Variants in FAM135B observed in about 807,000 individuals in gnomAD.
FAM135B encodes the protein family with sequence similarity 135 member B.
In FAM135B, 43 loss-of-function variants were observed where a neutral mutation model predicts 127.7. The observed-to-expected ratio is 0.34, with a 90% confidence interval of 0.26 to 0.43. FAM135B has a LOEUF of 0.43. Among genes scored for constraint, FAM135B ranks in the 20% least tolerant of loss-of-function variants. The pLI is 1.00. For missense variants in FAM135B, 1,558 were observed against 1,725.6 expected, an observed-to-expected ratio of 0.90 and a Z score of 1.72; for synonymous variants, 670 against 665.1, an observed-to-expected ratio of 1.01 and a Z score of -0.11.
intron 1 of FAM135B, among the ~76,000 whole-genome samples, chr8:138,377,720 A>G (rs1267159844): frequency 6.6e-6 from 1 of 152,214 alleles, no homozygotes; most frequent in East Asian, 1.9e-4. Context: ...CAAGTTCTTG[A>G]GATAGCCATA....
At chr8:138,256,501 T>C in intron 5 of FAM135B, among the ~76,000 whole-genome samples, 188 bp downstream of exon 5, 1 of 152,192 alleles carries the variant, frequency 6.6e-6, no homozygotes, top group East Asian at 1.9e-4. Flanking sequence ...GACTAAAACG[T>C]ATGTGGTTTG....
At position 138,370,442 on chromosome 8, in the gene FAM135B, G is replaced by T. The variant is rs534097048; in HGVS notation, c.-19-2440C>A. 1.1e-4 allele frequency among the ~76,000 whole-genome samples: 17 copies of T among 151,896 alleles called. No homozygotes were observed. The South Asian group carries it at 3.3e-3, about 30-fold the overall frequency. ...TGAGTTCCCATGTAAAATAATTTTG[G>T]TTTTTGTTTGTTTGTTTGTTTGTTT... is the stretch of plus-strand genomic sequence containing the variant. On this transcript the variant is annotated intron_variant, in intron 1 of 19. Coordinates refer to ENST00000395297, the MANE Select transcript of FAM135B (RefSeq NM_015912.4).
chr8:138,147,515 A>G lies in FAM135B; in HGVS notation c.3448+1005T>C, dbSNP rs76559259. On this transcript the variant is annotated intron_variant, in intron 14 of 19. Coordinates refer to ENST00000395297, the MANE Select transcript of FAM135B (RefSeq NM_015912.4). ...GTGTAAATATTCATAACTGTTATCAATGTGCTCCGCTCTCTGTTAATACAA... is the reference window on the plus strand; with the variant it reads ...GTGTAAATATTCATAACTGTTATCAGTGTGCTCCGCTCTCTGTTAATACAA... Among the ~76,000 whole-genome samples, 123 of 152,320 alleles carry G rather than the reference A, an allele frequency of 8.1e-4. No individual in the cohort carries two copies. The East Asian group carries it at 0.021, about 26-fold the overall frequency.
chr8:138,234,378 A>G (rs1258604742), intron 7 of FAM135B, among the ~76,000 whole-genome samples: 1 of 152,212 alleles, frequency 6.6e-6, no homozygotes, highest in Non-Finnish European at 1.5e-5. Context: ...TATATCCAAA[A>G]TATTTGAAAT....
chr8:138,172,227 T>A (rs942383019), intron 11 of FAM135B, among the ~76,000 whole-genome samples: 1 of 152,132 alleles, frequency 6.6e-6, no homozygotes, highest in African/African-American at 2.4e-5. Context: ...GAATCTTGAT[T>A]TCTGACTCTC....
intron 12 of FAM135B, among the ~76,000 whole-genome samples, chr8:138,159,893 G>A (rs1320378803): frequency 6.6e-6 from 1 of 152,160 alleles, no homozygotes; most frequent in African/African-American, 2.4e-5. Flanking sequence ...AGGGACTCAT[G>A]ATGCATGCTT....
intron 1 of FAM135B, among the ~76,000 whole-genome samples, chr8:138,387,024 C>G (rs1832259753): frequency 6.6e-6 from 1 of 152,128 alleles, no homozygotes. Context: ...CAGGGACTGC[C>G]CCACAGGACC....
At chr8:138,335,845 C>T (rs543309668) in intron 2 of FAM135B, among the ~76,000 whole-genome samples, 3 of 152,300 alleles carry the variant, frequency 2.0e-5, no homozygotes, top group Admixed American at 6.5e-5. Flanking sequence ...AAATTGACCA[C>T]ATAGTTGGAA....
At chr8:138,479,388 C>A (rs1282447493) in intron 1 of FAM135B, among the ~76,000 whole-genome samples, 1 of 152,118 alleles carries the variant, frequency 6.6e-6, no homozygotes, top group African/African-American at 2.4e-5. Flanking sequence ...ATGGTTGATC[C>A]CCCTGGCAAC....
chr8:138,207,508 C>T (rs959703831), intron 7 of FAM135B, among the ~76,000 whole-genome samples: 2 of 152,220 alleles, frequency 1.3e-5, no homozygotes, highest in Non-Finnish European at 2.9e-5. Flanking sequence ...CCGCGCCCCA[C>T]CTGAAACAAT....
chr8:138,197,708 C>T (rs761038726), intron 7 of FAM135B, 39 bp from the exon 8 acceptor site: 8 of 1,603,558 alleles, frequency 5.0e-6, no homozygotes, highest in South Asian at 1.1e-5. Context: ...AGGAATATTG[C>T]ACCTGGCCCA....
At chr8:138,394,293 G>A (rs756894642) in intron 1 of FAM135B, among the ~76,000 whole-genome samples, 1 of 152,092 alleles carries the variant, frequency 6.6e-6, no homozygotes, top group Non-Finnish European at 1.5e-5. Context: ...GATAATAATG[G>A]GCCAGTATTT....
intron 19 of FAM135B, 86 bp downstream of exon 19, chr8:138,137,061 G>A: frequency 1.3e-6 from 1 of 757,560 alleles, no homozygotes; most frequent in Non-Finnish European, 2.4e-6. Flanking sequence ...TATAGCCCAG[G>A]TGTTCCCAAT....
intron 7 of FAM135B, among the ~76,000 whole-genome samples, chr8:138,235,383 C>T (rs978433064): frequency 2.6e-5 from 4 of 152,118 alleles, no homozygotes; most frequent in Non-Finnish European, 1.5e-5. Flanking sequence ...AGTGAATAAA[C>T]CAATGGCAGT....
chr8:138,392,462 G>T (rs1832631251), intron 1 of FAM135B, among the ~76,000 whole-genome samples: 1 of 152,130 alleles, frequency 6.6e-6, no homozygotes, highest in Non-Finnish European at 1.5e-5. Flanking sequence ...AGGTCCCCAA[G>T]ACCCACAAAA....
chr8:138,152,410 C>G lies in FAM135B; in HGVS notation c.2065G>C (p.Glu689Gln), dbSNP rs2130768518. 1 of 1,614,202 alleles carries G rather than the reference C, an allele frequency of 6.2e-7. No individual in the cohort carries two copies. Residue 689 changes from glutamate to glutamine, a missense_variant, in exon 13 of 20, where the codon GAG (glutamate) becomes CAG (glutamine). By Grantham distance (29) the Glu-to-Gln change is conservative. This residue lies in a region of FAM135B where 923 missense variants were observed against 865.3 expected (regional missense o/e 1.07). Coordinates refer to ENST00000395297, the MANE Select transcript of FAM135B (RefSeq NM_015912.4). ...CAGGCGACGGAGCTTGGCTCACTCTCAATGCCTGAATCAGATATGATGGAT... is the reference window on the plus strand; with the variant it reads ...CAGGCGACGGAGCTTGGCTCACTCTGAATGCCTGAATCAGATATGATGGAT... The part of the protein sequence containing the change: ...SSSIISDSGI[E>Q]SEPSSVAWSE...
At chr8:138,149,910 A>G (rs16908376) in intron 13 of FAM135B, among the ~76,000 whole-genome samples, 29,856 of 152,132 alleles carry the variant, frequency 0.2, 2,947 homozygotes, top group East Asian at 0.24. Flanking sequence ...AACCCTGACC[A>G]GGCAGGCACT....
chr8:138,494,520 G>A (rs1490551372), intron 1 of FAM135B, among the ~76,000 whole-genome samples: 1 of 152,202 alleles, frequency 6.6e-6, no homozygotes, highest in African/African-American at 2.4e-5. Context: ...GGGCATTTGA[G>A]TTGGGTTGTT....
intron 1 of FAM135B, among the ~76,000 whole-genome samples, chr8:138,390,731 T>G (rs1832521142): frequency 2.6e-5 from 4 of 152,218 alleles, no homozygotes; most frequent in Admixed American, 2.6e-4. Context: ...GATATTCTAG[T>G]GTACAGAGAG....
Sources: gnomAD v4.1 joint callset for allele counts (sites outside exome capture counted in the v4.1 genomes callset) on GRCh38, gnomAD v4.1.1 for gene constraint, gnomAD v4.1.1 regional missense constraint, MANE v1.5 for transcripts, NCBI Gene and HGNC (gene_info 2026-07-23, HGNC 2026-07-21) for gene names.